ASCC2: variants seen among roughly 807,000 people sequenced by gnomAD.
The protein encoded by ASCC2 is activating signal cointegrator 1 complex subunit 2, also known as ASC-1 complex subunit P100.
Under a neutral mutation model 93.5 loss-of-function variants are expected in ASCC2, and 42 were observed. That is an observed-to-expected ratio of 0.45 (90% CI 0.35 to 0.58). ASCC2 has a LOEUF of 0.58. Among genes scored for constraint, ASCC2 ranks in the 20% least tolerant of loss-of-function variants. The pLI is 0.00. For missense variants in ASCC2, 859 were observed against 977.6 expected, an observed-to-expected ratio of 0.88 and a Z score of 1.62; for synonymous variants, 364 against 384.2, an observed-to-expected ratio of 0.95 and a Z score of 0.62.
chr22:29,808,151 T>C lies in ASCC2; in HGVS notation c.868A>G (p.Met290Val). ...ASFYEAAIPE[M>V]ESAIKKRRLE... ...CTCCTCTTCTTAATTGCAGACTCCA[T>C]TTCGGGAATTGCTGCTTCGTAGAAG... The change falls in exon 9 of 20, where the codon ATG becomes GTG. Residue 290 changes from methionine (M) to valine (V), a missense_variant. Transcript: ENST00000307790. 1.2e-6 allele frequency: 2 copies of C among 1,614,200 alleles called. No homozygotes were observed. The highest frequency in any genetic ancestry group is 2.2e-5 in the East Asian group (1 of 44,884).
chr22:29,792,137 G>C (rs2057834307), intron 18 of ASCC2, among the ~76,000 whole-genome samples: 1 of 152,192 alleles, frequency 6.6e-6, no homozygotes, highest in African/African-American at 2.4e-5. Flanking sequence ...TCCTGGGTAT[G>C]GTGCTGCTAA....
intron 2 of ASCC2, among the ~76,000 whole-genome samples, chr22:29,827,312 T>C (rs1322875240): frequency 2.6e-5 from 4 of 152,082 alleles, no homozygotes; most frequent in Admixed American, 6.6e-5. Context: ...TAACGGGTGC[T>C]TTCTCTGGGG....
At chr22:29,812,547 GC>G (rs1208616933) in intron 8 of ASCC2, among the ~76,000 whole-genome samples, 2 of 152,276 alleles carry the variant, frequency 1.3e-5, no homozygotes, top group East Asian at 3.9e-4. Flanking sequence ...TAAAGGCCCT[GC>G]CAGCACATCC....
chr22:29,821,903 T>G (rs192110325), intron 5 of ASCC2: 3 of 445,432 alleles, frequency 6.7e-6, no homozygotes, highest in Admixed American at 2.5e-5. Context: ...GGAGGCTGAG[T>G]TGGGGGGATA....
At chr22:29,790,441 C>T (rs2057565972) in intron 19 of ASCC2, 28 bp downstream of exon 19, 2 of 1,613,278 alleles carry the variant, frequency 1.2e-6, no homozygotes, top group Non-Finnish European at 1.7e-6. Flanking sequence ...GGAGGGGTCC[C>T]CCCAGAAGCA....
At chr22:29,826,447 C>T (rs2062337466) in intron 2 of ASCC2, among the ~76,000 whole-genome samples, 1 of 151,940 alleles carries the variant, frequency 6.6e-6, no homozygotes, top group East Asian at 1.9e-4. Context: ...TCCCAAGTAG[C>T]TGGGACTACA....
At chr22:29,822,241 C>T in intron 5 of ASCC2, 94 bp downstream of exon 5, 1 of 1,540,946 alleles carries the variant, frequency 6.5e-7, no homozygotes. Context: ...CGCCCTGAGT[C>T]CCTGGGCACT....
chr22:29,817,806 A>C (rs1280784146), intron 5 of ASCC2, among the ~76,000 whole-genome samples: 2 of 152,216 alleles, frequency 1.3e-5, no homozygotes, highest in African/African-American at 4.8e-5. Flanking sequence ...TCCTAAAGAA[A>C]TAATAAAAAT....
In ASCC2 at chr22:29,801,032, G is replaced by A. The variant is rs1404819804; in HGVS notation, c.1647C>T (p.Ser549=). 6.2e-7 allele frequency: 1 copy of A among 1,609,010 alleles called. No homozygotes were observed. Among genetic ancestry groups the A allele is most frequent in the Non-Finnish European group, 8.5e-7 (1 of 1,176,082 alleles). The change falls in exon 15 of 20, where the codon AGC becomes AGT. Residue 549 remains serine, a synonymous_variant. Coordinates refer to ENST00000307790, the MANE Select transcript of ASCC2 (RefSeq NM_032204.5). ...VFQNDEFDVF[S]RDSVDLSRVH... Reference sequence around the variant, plus strand: ...CCCGGCTCAGGTCTACTGAGTCCCTGCTGAACACATCAAACTCGTCATTCT... The same window carrying A: ...CCCGGCTCAGGTCTACTGAGTCCCTACTGAACACATCAAACTCGTCATTCT...
In ASCC2 at chr22:29,788,709, C is replaced by T; in HGVS notation, c.*304G>A. On this transcript the variant is annotated 3_prime_UTR_variant, in exon 20 of 20. Coordinates refer to ENST00000307790, the MANE Select transcript of ASCC2 (RefSeq NM_032204.5). ...TAAAGGGGAAGTGGTGTCTTGTGGC[C>T]CGAGGTTTGGGGCGCTTGCCTTGGG... 2.3e-6 allele frequency: 1 copy of T among 429,796 alleles called. No individual in the cohort carries two copies. Among genetic ancestry groups the T allele is most frequent in the South Asian group, 2.7e-5 (1 of 37,706 alleles). 26.6% of individuals were successfully genotyped at this position (429,796 alleles called of 1,614,324 possible).
intron 5 of ASCC2, chr22:29,821,838 A>AT (rs906059823): frequency 6.1e-5 from 21 of 346,376 alleles, no homozygotes; most frequent in South Asian, 1.4e-4. Flanking sequence ...ACTAAAAAAA[A>AT]TTTTTTTTTA....
chr22:29,806,201 A>C lies in ASCC2; in HGVS notation c.1160+15T>G. ...AAGCTGGGCCCTGTCGTAGTGGGCT[A>C]TGGTAGAAGGATACAAGACTGATGA... On this transcript the variant is annotated intron_variant, in intron 12 of 19. Transcript: ENST00000307790. 6.2e-7 allele frequency: 1 copy of C among 1,613,072 alleles called. No individual in the cohort carries two copies. The highest frequency in any genetic ancestry group is 8.5e-7 in the Non-Finnish European group (1 of 1,179,106).
intron 9 of ASCC2, among the ~76,000 whole-genome samples, 181 bp downstream of exon 9, chr22:29,807,930 A>C (rs36573): frequency 0.2 from 30,517 of 151,362 alleles, 3,237 homozygotes; most frequent in Non-Finnish European, 0.24. Context: ...ACAACAACAA[A>C]AAAAAAAACA....
intron 17 of ASCC2, 129 bp downstream of exon 17, chr22:29,793,231 T>C: frequency 7.6e-7 from 1 of 1,318,874 alleles, no homozygotes; most frequent in East Asian, 2.4e-5. Context: ...GGAGGAGCAC[T>C]GGATTAGGAG....
chr22:29,822,876 C>T (rs765388337), intron 4 of ASCC2, among the ~76,000 whole-genome samples: 5 of 151,484 alleles, frequency 3.3e-5, no homozygotes, highest in African/African-American at 7.3e-5. Context: ...CGTGCCACAA[C>T]GCCTGGCTAA....
In ASCC2 at chr22:29,788,995, C is replaced by T. The variant is rs368440043; in HGVS notation, c.*18G>A. On this transcript the variant is annotated 3_prime_UTR_variant, in exon 20 of 20. Coordinates refer to ENST00000307790, the MANE Select transcript of ASCC2 (RefSeq NM_032204.5). Reference sequence around the variant, plus strand: ...TGAGTCTGGTGCCGCTGCCTCCCCACTGGCCCTGCACCAGGTCTCAGGATG... The same window carrying T: ...TGAGTCTGGTGCCGCTGCCTCCCCATTGGCCCTGCACCAGGTCTCAGGATG... 8.7e-5 allele frequency: 140 copies of T among 1,613,882 alleles called. No homozygotes were observed. Among genetic ancestry groups the T allele is most frequent in the Non-Finnish European group, 1.1e-4 (133 of 1,179,858 alleles).
intron 1 of ASCC2, among the ~76,000 whole-genome samples, chr22:29,833,227 G>A (rs1321662004): frequency 2.6e-5 from 4 of 152,194 alleles, no homozygotes; most frequent in Admixed American, 1.3e-4. Context: ...CACAGGATTG[G>A]TACAGAGGTG....
At chr22:29,802,650 A>T (rs2059224552) in intron 13 of ASCC2, among the ~76,000 whole-genome samples, 1 of 152,076 alleles carries the variant, frequency 6.6e-6, no homozygotes, top group Non-Finnish European at 1.5e-5. Context: ...AATTTAAAAA[A>T]GTAGCCAGGT....
chr22:29,828,243 G>C (rs1354786952), intron 2 of ASCC2, among the ~76,000 whole-genome samples: 3 of 152,148 alleles, frequency 2.0e-5, no homozygotes, highest in African/African-American at 7.2e-5. Flanking sequence ...ATAACAAAAG[G>C]GCACAGATTG....
Sources: allele counts gnomAD v4.1 joint callset (sites outside exome capture counted in the v4.1 genomes callset), GRCh38; gene constraint gnomAD v4.1.1; transcripts MANE v1.5; gene names NCBI Gene and HGNC (gene_info 2026-07-23, HGNC 2026-07-21).